The following ANK2 variants were observed in gnomAD, a reference collection of about 807,000 sequenced individuals.
ANK2 encodes ankyrin 2.
In ANK2, 83 loss-of-function variants were observed where a neutral mutation model predicts 360.5. The ratio of observed to expected loss-of-function variants is 0.23; its 90% CI spans 0.19 to 0.28. ANK2 has a LOEUF of 0.28. Among genes scored for constraint, ANK2 ranks in the 10% least tolerant of loss-of-function variants. The probability of loss-of-function intolerance (pLI) is 1.00; values close to 1 mark genes in which losing one functional copy is unlikely to be tolerated. For synonymous variants in ANK2, 1,740 were observed against 1,759.5 expected, an observed-to-expected ratio of 0.99 and a Z score of 0.28; for missense variants, 4,201 against 4,795.7, an observed-to-expected ratio of 0.88 and a Z score of 3.66.
chr4:113,192,924 T>TTTA (rs1562781528), intron 2 of ANK2, among the ~76,000 whole-genome samples: 3 of 136,778 alleles, frequency 2.2e-5, no homozygotes, highest in Non-Finnish European at 4.7e-5. Flanking sequence ...TTGCATTATT[T>TTTA]AAAAAAAAAA....
At chr4:113,028,221 C>G (rs770452320) in intron 2 of ANK2, among the ~76,000 whole-genome samples, 1 of 151,924 alleles carries the variant, frequency 6.6e-6, no homozygotes, top group African/African-American at 2.4e-5. Context: ...AGCACCTGAT[C>G]CAGTGGGACA....
intron 1 of ANK2, among the ~76,000 whole-genome samples, chr4:112,828,431 C>T (rs1309856258): frequency 6.6e-6 from 1 of 152,110 alleles, no homozygotes; most frequent in Non-Finnish European, 1.5e-5. Flanking sequence ...AGGGGGGTTT[C>T]ACCATCTTGG....
chr4:113,100,777 T>G (rs879529681), intron 1 of ANK2, among the ~76,000 whole-genome samples: 1 of 152,164 alleles, frequency 6.6e-6, no homozygotes, highest in Non-Finnish European at 1.5e-5. Flanking sequence ...CAGTTTACAA[T>G]GGAATATTAT....
intron 1 of ANK2, among the ~76,000 whole-genome samples, chr4:112,837,259 T>C (rs911782756): frequency 6.6e-6 from 1 of 152,214 alleles, no homozygotes; most frequent in Non-Finnish European, 1.5e-5. Flanking sequence ...GCAACGTCCA[T>C]GTGGTGTTGG....
At chr4:113,287,761 C>A in intron 19 of ANK2, 58 bp downstream of exon 19, 1 of 1,451,214 alleles carries the variant, frequency 6.9e-7, no homozygotes, top group Non-Finnish European at 9.6e-7. Flanking sequence ...TTCCCAGTAG[C>A]CCCCATTCGG....
chr4:113,011,900 T>C (rs2054857727), intron 2 of ANK2, among the ~76,000 whole-genome samples: 1 of 152,140 alleles, frequency 6.6e-6, no homozygotes, highest in Admixed American at 6.5e-5. Flanking sequence ...ATTTCTTATG[T>C]AGAAATTTTA....
At chr4:113,210,508 T>C (rs1285420325) in intron 4 of ANK2, among the ~76,000 whole-genome samples, 4 of 152,230 alleles carry the variant, frequency 2.6e-5, no homozygotes, top group Non-Finnish European at 5.9e-5. Context: ...CTGGACTGTC[T>C]TCAGTTTAGC....
chr4:113,292,930 G>C, intron 21 of ANK2: 1 of 353,292 alleles, frequency 2.8e-6, no homozygotes, highest in Non-Finnish European at 5.5e-6. Context: ...TAAACGAACT[G>C]GGATCCCGAG....
At chr4:112,924,465 G>A (rs573736005) in intron 2 of ANK2, among the ~76,000 whole-genome samples, 29 of 152,126 alleles carry the variant, frequency 1.9e-4, no homozygotes, top group Non-Finnish European at 3.8e-4. Flanking sequence ...GCATATTCTG[G>A]CTACTGCTGG....
intron 4 of ANK2, among the ~76,000 whole-genome samples, chr4:113,222,226 A>G (rs984722727): frequency 5.3e-5 from 8 of 152,162 alleles, no homozygotes; most frequent in African/African-American, 1.9e-4. Context: ...AAGAATTCCT[A>G]TGTCTAAGAA....
chr4:113,027,870 GA>G (rs1457667371), intron 2 of ANK2, among the ~76,000 whole-genome samples: 1 of 152,036 alleles, frequency 6.6e-6, no homozygotes, highest in Non-Finnish European at 1.5e-5. Flanking sequence ...TGAAATGATT[GA>G]TTTTTTTGTT....
chr4:113,278,574 A>G lies in ANK2; in HGVS notation c.1881+16A>G, dbSNP rs903291033. ...CACTGCCAAGGTGAGGACCACAGAAAAGGATTTACAGGCATAGGGTGTAAC... is the reference window on the plus strand; with the variant it reads ...CACTGCCAAGGTGAGGACCACAGAAGAGGATTTACAGGCATAGGGTGTAAC... On this transcript the variant is annotated intron_variant, in intron 17 of 45. Coordinates refer to ENST00000357077, the MANE Select transcript of ANK2 (RefSeq NM_001148.6). 3 of 1,610,530 alleles carry G rather than the reference A, an allele frequency of 1.9e-6. No homozygotes were observed. The Admixed American group carries it at 5.0e-5, about 27-fold the overall frequency.
intron 1 of ANK2, chr4:112,826,637 T>A: frequency 8.8e-7 from 1 of 1,138,784 alleles, no homozygotes; most frequent in Middle Eastern, 2.1e-4. Flanking sequence ...CAGGAGGCAG[T>A]GAAAAACGGG....
chr4:113,150,950 G>A, intron 1 of ANK2: 2 of 686,214 alleles, frequency 2.9e-6, no homozygotes, highest in Non-Finnish European at 4.2e-6. Context: ...CATATCATAA[G>A]CTCTATTTTC....
At chr4:113,073,076 C>T (rs1400287232) in intron 1 of ANK2, among the ~76,000 whole-genome samples, 1 of 150,536 alleles carries the variant, frequency 6.6e-6, no homozygotes, top group East Asian at 2.0e-4. Context: ...ATTCTCCTGC[C>T]TCAGCTTCCC....
intron 1 of ANK2, among the ~76,000 whole-genome samples, chr4:112,850,282 A>AATTTGT (rs2064399446): frequency 1.5e-5 from 2 of 132,850 alleles, no homozygotes; most frequent in African/African-American, 6.2e-5. Context: ...CTATCTATCT[A>AATTTGT]TCTATCTATC....
intron 13 of ANK2, among the ~76,000 whole-genome samples, chr4:113,261,113 T>C (rs1377969894): frequency 6.6e-6 from 1 of 152,204 alleles, no homozygotes; most frequent in Admixed American, 6.5e-5. Flanking sequence ...ACCCATTCTC[T>C]TGCTAGTTTT....
At chr4:113,233,104 CTGTTTTTTTTTTTTTTTTTT>C (rs1328527085) in intron 5 of ANK2, among the ~76,000 whole-genome samples, 5,038 of 29,238 alleles carry the variant, frequency 0.17, 1,330 homozygotes, top group African/African-American at 0.29. Context: ...CTTGGCTTTT[CTGTTTTTTTTTTTTTTTTTT>C]TTTTTTTTTT....
chr4:113,212,690 TA>T (rs1562927452), intron 4 of ANK2, among the ~76,000 whole-genome samples: 2 of 152,342 alleles, frequency 1.3e-5, no homozygotes, highest in African/African-American at 4.8e-5. Context: ...TCATCTGTGA[TA>T]GGGGGATCAT....
Sources: gnomAD v4.1 joint callset for allele counts (sites outside exome capture counted in the v4.1 genomes callset) on GRCh38, gnomAD v4.1.1 for gene constraint, MANE v1.5 for transcripts, NCBI Gene and HGNC (gene_info 2026-07-23, HGNC 2026-07-21) for gene names.